The following MTUS1 variants were observed in gnomAD, a reference collection of about 807,000 sequenced individuals.
MTUS1 encodes the protein microtubule-associated tumor suppressor 1.
A neutral mutation model predicts 120.8 loss-of-function variants in MTUS1; 109 were observed. That is an observed-to-expected ratio of 0.90 (90% CI 0.77 to 1.06). The LOEUF (loss-of-function observed/expected upper bound fraction) is 1.06. Among genes scored for constraint, MTUS1 ranks in the 50% least tolerant of loss-of-function variants. MTUS1 has a pLI of 0.00. For missense variants in MTUS1, 2,210 were observed against 1,486.3 expected, an observed-to-expected ratio of 1.49 and a Z score of -8.01; for synonymous variants, 737 against 550.5, an observed-to-expected ratio of 1.34 and a Z score of -4.74.
intron 7 of MTUS1, among the ~76,000 whole-genome samples, chr8:17,683,164 C>T (rs1401896801): frequency 1.3e-5 from 2 of 151,992 alleles, no homozygotes; most frequent in Non-Finnish European, 2.9e-5. Flanking sequence ...CCCAGCTACT[C>T]GGGAGGCTGA....
intron 1 of MTUS1, chr8:17,770,362 A>T (rs1470447078): frequency 6.6e-6 from 1 of 152,218 alleles, no homozygotes; most frequent in African/African-American, 2.4e-5. Context: ...TTCAAAAAAA[A>T]ATCCCTTTTG....
At chr8:17,772,946 G>C (rs934504767) in intron 1 of MTUS1, among the ~76,000 whole-genome samples, 1 of 152,140 alleles carries the variant, frequency 6.6e-6, no homozygotes. Flanking sequence ...ATCAAAAGGA[G>C]ATTAAACTCC....
At chr8:17,680,021 G>C (rs1037617017) in intron 7 of MTUS1, among the ~76,000 whole-genome samples, 16 of 152,092 alleles carry the variant, frequency 1.1e-4, no homozygotes, top group Admixed American at 2.0e-4. Flanking sequence ...TGCAGATCCT[G>C]CCTTCAGTAA....
chr8:17,764,148 A>G (rs1221818707), intron 1 of MTUS1, among the ~76,000 whole-genome samples: 1 of 152,216 alleles, frequency 6.6e-6, no homozygotes, highest in Non-Finnish European at 1.5e-5. Context: ...AGAAGAGAAC[A>G]ACAGTTAAGA....
At chr8:17,646,960 A>G in intron 14 of MTUS1, 22 bp downstream of exon 14, 1 of 1,588,526 alleles carries the variant, frequency 6.3e-7, no homozygotes, top group Non-Finnish European at 8.6e-7. Flanking sequence ...GCTCGGGAGA[A>G]ACAGCACTGT....
chr8:17,678,748 CAAA>C (rs35213322), intron 7 of MTUS1, among the ~76,000 whole-genome samples: 3 of 133,048 alleles, frequency 2.3e-5, no homozygotes, highest in Non-Finnish European at 3.2e-5. Flanking sequence ...ATTCCACTTG[CAAA>C]AAAAAAAAAA....
At position 17,743,676 on chromosome 8, in the gene MTUS1, TC is replaced by T; in HGVS notation, c.2214del (p.Asn739ThrfsTer30). 1 of 1,614,188 alleles carries T rather than the reference TC, an allele frequency of 6.2e-7. No individual in the cohort carries two copies. Among genetic ancestry groups the T allele is most frequent in the Non-Finnish European group, 8.5e-7 (1 of 1,180,030 alleles). On this transcript the variant is annotated frameshift_variant, in exon 3 of 15. Coordinates refer to ENST00000693296, the MANE Select transcript of MTUS1 (RefSeq NM_001363059.2). LOFTEE classifies it high-confidence loss of function. ...GCACTGGGATTTCTATTGTCACTGT[TC>T]CGCCTCAAACAGGAAACAGGGGGCC... ...KVGPPVSCLR[R>X]NSDNRNPSAD...
At chr8:17,692,602 T>A (rs113654402) in intron 6 of MTUS1, among the ~76,000 whole-genome samples, 1 of 152,190 alleles carries the variant, frequency 6.6e-6, no homozygotes, top group Non-Finnish European at 1.5e-5. Context: ...TGCCTGTTAC[T>A]GAACACTTCT....
intron 3 of MTUS1, among the ~76,000 whole-genome samples, chr8:17,728,646 A>T (rs1412791508): frequency 1.3e-5 from 2 of 152,232 alleles, no homozygotes; most frequent in East Asian, 3.9e-4. Context: ...ACAGCTTAGT[A>T]GGAACACAGG....
chr8:17,692,426 G>C (rs767061157), intron 6 of MTUS1, among the ~76,000 whole-genome samples: 17 of 152,026 alleles, frequency 1.1e-4, no homozygotes, highest in Non-Finnish European at 2.2e-4. Flanking sequence ...TTCCTGACAC[G>C]GCAGAGCCAC....
chr8:17,658,022 T>G (rs113968499), intron 8 of MTUS1, among the ~76,000 whole-genome samples: 52 of 36,420 alleles, frequency 1.4e-3, no homozygotes, highest in African/African-American at 4.0e-3. Flanking sequence ...ACTATATATA[T>G]AGACACACAC....
intron 7 of MTUS1, among the ~76,000 whole-genome samples, chr8:17,681,368 T>C (rs927138073): frequency 6.6e-6 from 1 of 152,218 alleles, no homozygotes; most frequent in African/African-American, 2.4e-5. Context: ...TAATGATACG[T>C]GAACAATGGA....
intron 2 of MTUS1, among the ~76,000 whole-genome samples, chr8:17,751,617 T>G (rs966747409): frequency 6.6e-6 from 1 of 152,108 alleles, no homozygotes; most frequent in South Asian, 2.1e-4. Flanking sequence ...CCCAGCACTT[T>G]GGGAGGCCGA....
chr8:17,755,643 C>T lies in MTUS1; in HGVS notation c.165G>A (p.Val55=), dbSNP rs777863137. 4 of 1,614,182 alleles carry T rather than the reference C, an allele frequency of 2.5e-6. No individual in the cohort carries two copies. The South Asian group carries it at 3.3e-5, about 13-fold the overall frequency. The change falls in exon 2 of 15, where the codon GTG becomes GTA. Residue 55 remains valine (V), a synonymous_variant. Transcript: ENST00000693296. Reference sequence around the variant, plus strand: ...CAGCAGGGTCAGTTTCATAATCAACCACCATGTCATCTGGGTTGGCAGAAT... The same window carrying T: ...CAGCAGGGTCAGTTTCATAATCAACTACCATGTCATCTGGGTTGGCAGAAT... ...NWNSANPDDM[V]VDYETDPAVV... is the part of the protein sequence containing the mutation.
intron 6 of MTUS1, among the ~76,000 whole-genome samples, chr8:17,687,465 C>T (rs111597120): frequency 0.03 from 4,538 of 152,262 alleles, 159 homozygotes; most frequent in South Asian, 0.15. Context: ...TATTATCAGC[C>T]AAACTTTGCC....
chr8:17,760,141 A>G (rs1188714716), intron 1 of MTUS1, among the ~76,000 whole-genome samples: 2 of 150,516 alleles, frequency 1.3e-5, no homozygotes, highest in East Asian at 3.9e-4. Context: ...ACCTGGGCCC[A>G]GTAGTTCACA....
chr8:17,731,759 C>A (rs1297093614), intron 3 of MTUS1, among the ~76,000 whole-genome samples: 1 of 152,098 alleles, frequency 6.6e-6, no homozygotes, highest in Non-Finnish European at 1.5e-5. Context: ...TATAAGTGAG[C>A]GAAAGCTCTT....
intron 5 of MTUS1, 37 bp from the exon 6 acceptor site, chr8:17,713,289 T>C: frequency 2.6e-6 from 3 of 1,169,716 alleles, no homozygotes; most frequent in Non-Finnish European, 2.5e-6. Context: ...TACATATGTT[T>C]TATTTGACAT....
At chr8:17,735,926 C>A (rs886347794) in intron 3 of MTUS1, among the ~76,000 whole-genome samples, 10 of 152,184 alleles carry the variant, frequency 6.6e-5, no homozygotes, top group Non-Finnish European at 1.5e-5. Context: ...AGCAGAGAGG[C>A]CAGGACAGCT....
Sources: allele counts gnomAD v4.1 joint callset (sites outside exome capture counted in the v4.1 genomes callset), GRCh38; gene constraint gnomAD v4.1.1; transcripts MANE v1.5; gene names NCBI Gene and HGNC (gene_info 2026-07-23, HGNC 2026-07-21).